ZMYND12: variants seen among roughly 807,000 people sequenced by gnomAD.
The protein encoded by ZMYND12 is zinc finger MYND-type containing 12.
In ZMYND12, 32 loss-of-function variants were observed where a neutral mutation model predicts 41.7. The observed-to-expected ratio is 0.77, with a 90% CI of 0.58 to 1.03. The LOEUF is 1.03. Ranked by LOEUF, ZMYND12 falls within the 50% of genes least tolerant of loss-of-function variation. ZMYND12 has a pLI of 0.00. For synonymous variants in ZMYND12, 148 were observed against 164.8 expected, an observed-to-expected ratio of 0.90 and a Z score of 0.78; for missense variants, 424 against 438.5, an observed-to-expected ratio of 0.97 and a Z score of 0.30.
intron 7 of ZMYND12, among the ~76,000 whole-genome samples, chr1:42,431,641 C>A (rs1642850649): frequency 6.6e-6 from 1 of 152,152 alleles, no homozygotes; most frequent in East Asian, 1.9e-4. Context: ...TCTTGTAGAT[C>A]TAACACACCC....
rs750701853 is a variant in ZMYND12, at chr1:42,436,427, G to A, written c.711C>T (p.Tyr237=). The change falls in exon 5 of 8, where the codon TAC becomes TAT. Residue 237 remains tyrosine, a synonymous_variant. Transcript: ENST00000372565. ...LKKLDLADTL[Y]TKVSEIWHAY... is the part of the protein sequence containing the mutation. ...CCCACATTCCCCAGCTCACCTTGGT[G>A]TACAATGTGTCTGCCAGGTCCAACT... 5.6e-6 allele frequency: 9 copies of A among 1,613,194 alleles called. No individual in the cohort carries two copies. Among genetic ancestry groups the A allele is most frequent in the Admixed American group, 3.3e-5 (2 of 60,006 alleles).
rs756533388 is a variant in ZMYND12, at chr1:42,435,251, C to T, written c.829+23G>A. 6 of 1,566,740 alleles carry T rather than the reference C, an allele frequency of 3.8e-6. No individual in the cohort carries two copies. The South Asian group carries it at 4.4e-5, about 12-fold the overall frequency. On this transcript the variant is annotated intron_variant, in intron 6 of 7. Transcript: ENST00000372565. The stretch of plus-strand genomic sequence containing the variant: ...GGGTGAGATGAAGTCACTGCTCTCC[C>T]TTCAGGGAAAACTGCCACTTACCCA...
chr1:42,438,784 G>C (rs900955865), intron 4 of ZMYND12, among the ~76,000 whole-genome samples: 1 of 152,164 alleles, frequency 6.6e-6, no homozygotes, highest in African/African-American at 2.4e-5. Context: ...ACCAGAGGAA[G>C]GGCTGCTTGG....
intron 1 of ZMYND12, among the ~76,000 whole-genome samples, chr1:42,453,989 G>A (rs1383130298): frequency 6.6e-6 from 1 of 152,204 alleles, no homozygotes; most frequent in Non-Finnish European, 1.5e-5. Flanking sequence ...GGTACTGTGA[G>A]AGAGAAAAGT....
At chr1:42,434,569 C>G (rs1234436996) in intron 6 of ZMYND12, among the ~76,000 whole-genome samples, 1 of 151,982 alleles carries the variant, frequency 6.6e-6, no homozygotes, top group African/African-American at 2.4e-5. Context: ...TGCATTACCA[C>G]CTGAGCTCCA....
chr1:42,452,528 C>T (rs1643093014), intron 1 of ZMYND12, among the ~76,000 whole-genome samples: 1 of 152,128 alleles, frequency 6.6e-6, no homozygotes, highest in Non-Finnish European at 1.5e-5. Context: ...TGGTGAAACA[C>T]CGTCTCTACT....
In ZMYND12 at chr1:42,430,529, C is replaced by G. The variant is rs909265041; in HGVS notation, c.*207G>C. Reference sequence around the variant, plus strand: ...AATCAAGTACAAAGGTCATGACAAACACAGTTTTTAGTGATTTCTATGCCT... The same window carrying G: ...AATCAAGTACAAAGGTCATGACAAAGACAGTTTTTAGTGATTTCTATGCCT... On this transcript the variant is annotated 3_prime_UTR_variant, in exon 8 of 8. Transcript: ENST00000372565. 1 of 545,088 alleles carries G rather than the reference C, an allele frequency of 1.8e-6. No individual in the cohort carries two copies. The highest frequency in any genetic ancestry group is 2.8e-5 in the East Asian group (1 of 35,296). 33.8% of individuals were successfully genotyped at this position (545,088 alleles called of 1,614,324 possible). A position where few individuals can be genotyped will look rare whatever the true frequency, so the allele number is the denominator to read the frequency against.
At chr1:42,441,514 A>C (rs1346574741) in intron 3 of ZMYND12, among the ~76,000 whole-genome samples, 1 of 152,226 alleles carries the variant, frequency 6.6e-6, no homozygotes, top group Non-Finnish European at 1.5e-5. Context: ...CCTAATACAA[A>C]GTAAATGCTA....
chr1:42,439,767 T>G, intron 4 of ZMYND12, 89 bp downstream of exon 4: 1 of 1,368,652 alleles, frequency 7.3e-7, no homozygotes, highest in Middle Eastern at 2.7e-4. Context: ...AATGCACAGT[T>G]TTAAAAAAAT....
rs371677044 is a variant in ZMYND12, at chr1:42,436,515, G to C, written c.623C>G (p.Thr208Arg). 6.2e-7 allele frequency: 1 copy of C among 1,613,512 alleles called. No individual in the cohort carries two copies. Among genetic ancestry groups the C allele is most frequent in the Non-Finnish European group, 8.5e-7 (1 of 1,179,550 alleles). ...GCCTCCTGAAGTCCTAATGTCCTCT[G>C]TTCCAAATGCACAACTGGCAAAATA... ...DIYFASCAFG[T>R]EDIRTSGGYF... The change falls in exon 5 of 8, where the codon ACA (threonine) becomes AGA (arginine). Residue 208 changes from threonine (T) to arginine (R), a missense_variant. Physicochemically the swap from Thr to Arg is moderately conservative, Grantham distance 71 (BLOSUM62 -1). Transcript: ENST00000372565.
intron 4 of ZMYND12, among the ~76,000 whole-genome samples, chr1:42,438,876 C>A (rs558507773): frequency 6.6e-6 from 1 of 152,154 alleles, no homozygotes. Context: ...TCAGATTTCA[C>A]GCCCAGGAAC....
chr1:42,445,148 C>A (rs1029748905), intron 3 of ZMYND12, among the ~76,000 whole-genome samples: 5 of 150,468 alleles, frequency 3.3e-5, no homozygotes, highest in African/African-American at 1.2e-4. Flanking sequence ...AAAAATGAGA[C>A]CCAGCTGGGT....
chr1:42,443,813 A>G (rs1642994408), intron 3 of ZMYND12, among the ~76,000 whole-genome samples: 1 of 152,190 alleles, frequency 6.6e-6, no homozygotes, highest in South Asian at 2.1e-4. Context: ...TGCTCAATGC[A>G]CACTAAGACA....
chr1:42,431,324 C>T (rs1446570528), intron 7 of ZMYND12, among the ~76,000 whole-genome samples: 1 of 152,134 alleles, frequency 6.6e-6, no homozygotes, highest in Non-Finnish European at 1.5e-5. Context: ...TTACCATGTT[C>T]CAGGTCCTGT....
chr1:42,433,284 T>C lies in ZMYND12; in HGVS notation c.834A>G (p.Glu278=). ...TGCGAATGGCTTCTGCTTCTTGGGC[T>C]TCATCTGCATTGGAAGGGGAAGAAA... ...KLFENDTGLD[E]AQEAEAIRIL... Residue 278 remains glutamate (E), a synonymous_variant, in exon 7 of 8, where the codon GAA becomes GAG. Transcript: ENST00000372565. The C allele has an allele frequency of 6.2e-7, 1 of 1,604,006 alleles. No individual in the cohort carries two copies. Among genetic ancestry groups the C allele is most frequent in the Non-Finnish European group, 8.5e-7 (1 of 1,177,100 alleles).
intron 5 of ZMYND12, among the ~76,000 whole-genome samples, chr1:42,436,170 T>C (rs186817166): frequency 5.3e-5 from 8 of 152,320 alleles, no homozygotes; most frequent in Admixed American, 1.3e-4. Flanking sequence ...GTTTGGCTCT[T>C]ACTGACCTGT....
At chr1:42,436,335 G>A in intron 5 of ZMYND12, 86 bp downstream of exon 5, 1 of 1,556,012 alleles carries the variant, frequency 6.4e-7, no homozygotes, top group Non-Finnish European at 8.8e-7. Context: ...TCTCATGAAT[G>A]GTATGTTTTT....
chr1:42,450,416 CTTCTT>C (rs1643071320), intron 1 of ZMYND12, among the ~76,000 whole-genome samples: 1 of 152,188 alleles, frequency 6.6e-6, no homozygotes, highest in African/African-American at 2.4e-5. Flanking sequence ...TAATCTGAAT[CTTCTT>C]TTCTAGGCCA....
intron 7 of ZMYND12, among the ~76,000 whole-genome samples, chr1:42,431,267 C>A (rs1570343793): frequency 6.6e-6 from 1 of 152,130 alleles, no homozygotes; most frequent in South Asian, 2.1e-4. Flanking sequence ...CTTTCTTCCT[C>A]CCTTCTTCTC....
Sources: gnomAD v4.1 joint callset for allele counts (sites outside exome capture counted in the v4.1 genomes callset) on GRCh38, gnomAD v4.1.1 for gene constraint, MANE v1.5 for transcripts, NCBI Gene and HGNC (gene_info 2026-07-23, HGNC 2026-07-21) for gene names.